The following HIPK2 variants were observed in gnomAD, a reference collection of about 807,000 sequenced individuals.
HIPK2 encodes homeodomain interacting protein kinase 2.
A neutral mutation model predicts 113.7 loss-of-function variants in HIPK2; 27 were observed. That is an observed-to-expected ratio of 0.24 (90% CI 0.17 to 0.33). The LOEUF is 0.33. Ranked by LOEUF, HIPK2 falls within the 10% of genes least tolerant of loss-of-function variation. The probability of loss-of-function intolerance (pLI) is 1.00; values close to 1 mark genes in which losing one functional copy is unlikely to be tolerated. For missense variants in HIPK2, 1,257 were observed against 1,588.0 expected, an observed-to-expected ratio of 0.79 and a Z score of 3.54; for synonymous variants, 631 against 642.2, an observed-to-expected ratio of 0.98 and a Z score of 0.26.
chr7:139,577,586 A>C (rs1272501625), intron 13 of HIPK2, among the ~76,000 whole-genome samples: 1 of 152,254 alleles, frequency 6.6e-6, no homozygotes, highest in African/African-American at 2.4e-5. Context: ...GAAGGCTACG[A>C]CAAAGCAGCC....
At chr7:139,753,231 C>T (rs1270590081) in intron 1 of HIPK2, among the ~76,000 whole-genome samples, 1 of 152,212 alleles carries the variant, frequency 6.6e-6, no homozygotes, top group East Asian at 1.9e-4. Flanking sequence ...AGGGCAGCTG[C>T]ATTACCAGGC....
chr7:139,631,706 C>A lies in HIPK2; in HGVS notation c.1123G>T (p.Gly375Cys). Reference sequence around the variant, plus strand: ...TCAATTGCCTCACAAAATGGTAAACCAAGGATGATCTCAGGGGCCCTGAAA... The same window carrying A: ...TCAATTGCCTCACAAAATGGTAAACAAAGGATGATCTCAGGGGCCCTGAAA... ...RYYRAPEIILGLPFCEAIDMW... is the reference protein window; with the variant it reads ...RYYRAPEIILCLPFCEAIDMW... The change falls in exon 3 of 15, where the codon GGT (glycine) becomes TGT (cysteine). Residue 375 changes from glycine (G) to cysteine (C), a missense_variant. Gly to Cys is a radical substitution (Grantham distance 159, BLOSUM62 -3). Coordinates refer to ENST00000406875, the MANE Select transcript of HIPK2 (RefSeq NM_022740.5). This position sits in a 1 kb window ranked among gnomAD's most constrained non-coding sequence, Gnocchi z 4.9. 1.2e-6 allele frequency: 2 copies of A among 1,613,694 alleles called. No individual in the cohort carries two copies. Among genetic ancestry groups the A allele is most frequent in the Non-Finnish European group, 1.7e-6 (2 of 1,179,756 alleles).
chr7:139,634,229 G>T (rs1310342684), intron 2 of HIPK2, among the ~76,000 whole-genome samples: 2 of 152,116 alleles, frequency 1.3e-5, no homozygotes, highest in African/African-American at 4.8e-5. Context: ...AGGAGTGACC[G>T]CTGGGGGCTG....
intron 1 of HIPK2, among the ~76,000 whole-genome samples, chr7:139,729,556 G>C (rs968499771): frequency 2.6e-5 from 4 of 152,146 alleles, no homozygotes; most frequent in African/African-American, 9.7e-5. Context: ...AGGAGCCCCG[G>C]CTTGGTTCTT....
At chr7:139,711,852 A>G (rs1048667868) in intron 2 of HIPK2, among the ~76,000 whole-genome samples, 1 of 152,388 alleles carries the variant, frequency 6.6e-6, no homozygotes, top group African/African-American at 2.4e-5. Context: ...AGCAAGGATT[A>G]CCTGCAACTC....
At chr7:139,632,993 G>A (rs1455717148) in intron 2 of HIPK2, among the ~76,000 whole-genome samples, 1 of 151,594 alleles carries the variant, frequency 6.6e-6, no homozygotes, top group Non-Finnish European at 1.5e-5. Flanking sequence ...CTACCTGGGA[G>A]GCTGAGGCGG....
At chr7:139,602,101 C>T (rs963833305) in intron 10 of HIPK2, among the ~76,000 whole-genome samples, 2 of 151,928 alleles carry the variant, frequency 1.3e-5, no homozygotes, top group African/African-American at 4.8e-5. Context: ...TACAGGCGTG[C>T]ACTGCCACGC....
intron 1 of HIPK2, among the ~76,000 whole-genome samples, chr7:139,740,385 G>A (rs1453808634): frequency 6.6e-6 from 1 of 152,244 alleles, no homozygotes; most frequent in Non-Finnish European, 1.5e-5. Flanking sequence ...CACAATGCAT[G>A]CTTGCTTGCC....
intron 2 of HIPK2, among the ~76,000 whole-genome samples, chr7:139,684,347 G>A (rs921262774): frequency 2.0e-5 from 3 of 152,158 alleles, no homozygotes; most frequent in Admixed American, 1.3e-4. Context: ...GTGTTCAAGC[G>A]AAAGAAAGAG....
At chr7:139,668,176 T>C (rs904560791) in intron 2 of HIPK2, among the ~76,000 whole-genome samples, 3 of 149,932 alleles carry the variant, frequency 2.0e-5, no homozygotes, top group Non-Finnish European at 3.0e-5. Flanking sequence ...GCATATGATA[T>C]GCAACTAAAA....
rs1798322686 is a variant in HIPK2, at chr7:139,572,715, C to A, written c.*212G>T. ...CTCTTCTCTGCTCTACGTCCTCCCA[C>A]TTCCCGGTTCAAGTTTCACTGGTGT... On this transcript the variant is annotated 3_prime_UTR_variant, in exon 15 of 15. Transcript: ENST00000406875. The A allele has an allele frequency of 2.0e-6, 1 of 500,536 alleles. No individual in the cohort carries two copies. Among genetic ancestry groups the A allele is most frequent in the Non-Finnish European group, 3.5e-6 (1 of 285,868 alleles). 31.0% of individuals were successfully genotyped at this position (500,536 alleles called of 1,614,324 possible).
In HIPK2 at chr7:139,777,830, TGCCGCC is replaced by T. The variant is rs1796816212; in HGVS notation, c.-213_-208del. ...GCGCCGCCGCCGCCGCCGCCGCCGC[TGCCGCC>T]CGGGCCCGGCGCGGGGGGCTCGGGG... On this transcript the variant is annotated 5_prime_UTR_variant, in exon 1 of 15. Coordinates refer to ENST00000406875, the MANE Select transcript of HIPK2 (RefSeq NM_022740.5). The T allele has an allele frequency of 5.4e-6, 1 of 186,410 alleles. No homozygotes were observed. Among genetic ancestry groups the T allele is most frequent in the African/African-American group, 2.7e-5 (1 of 36,938 alleles). 11.5% of individuals were successfully genotyped at this position (186,410 alleles called of 1,614,324 possible).
rs776564611 is a variant in HIPK2 at position 139,716,729 on chromosome 7, A to G, written c.306T>C (p.Ser102=). ...HIVVTSASST[S]VTGQVLGGPH... is the part of the protein sequence containing the mutation. ...GTCCGCCGAGGACTTGCCCGGTGACAGAAGTGCTGCTTGCTGAGGTGACCA... is the reference window on the plus strand; with the variant it reads ...GTCCGCCGAGGACTTGCCCGGTGACGGAAGTGCTGCTTGCTGAGGTGACCA... The change falls in exon 2 of 15, where the codon TCT becomes TCC. Residue 102 remains serine, a synonymous_variant. Coordinates refer to ENST00000406875, the MANE Select transcript of HIPK2 (RefSeq NM_022740.5). The surrounding 1 kb of genome is among the most constrained non-coding windows in gnomAD (Gnocchi z 9.3). 5 of 1,613,824 alleles carry G rather than the reference A, an allele frequency of 3.1e-6. No individual in the cohort carries two copies. Among genetic ancestry groups the G allele is most frequent in the Non-Finnish European group, 1.7e-6 (2 of 1,179,878 alleles).
chr7:139,594,498 A>C (rs865814172), intron 12 of HIPK2, among the ~76,000 whole-genome samples: 15 of 152,166 alleles, frequency 9.9e-5, no homozygotes, highest in Admixed American at 3.3e-4. Context: ...CAATAATGTG[A>C]TCACAGTTAC....
chr7:139,680,519 A>T (rs1802663399), intron 2 of HIPK2, among the ~76,000 whole-genome samples: 2 of 152,234 alleles, frequency 1.3e-5, no homozygotes, highest in Non-Finnish European at 2.9e-5. Flanking sequence ...AGGGCCAGGG[A>T]TGTTTTCAAA....
intron 2 of HIPK2, among the ~76,000 whole-genome samples, chr7:139,689,628 G>A (rs1190400080): frequency 6.6e-6 from 1 of 152,132 alleles, no homozygotes; most frequent in Non-Finnish European, 1.5e-5. Context: ...CTCACCTGAT[G>A]AGCCCAGCCT....
At chr7:139,767,211 C>T (rs1029700791) in intron 1 of HIPK2, among the ~76,000 whole-genome samples, 1 of 152,208 alleles carries the variant, frequency 6.6e-6, no homozygotes, top group Non-Finnish European at 1.5e-5. Context: ...TACCACAGAC[C>T]TACTGAATTA....
At chr7:139,618,800 G>T (rs1800143618) in intron 7 of HIPK2, among the ~76,000 whole-genome samples, 1 of 152,228 alleles carries the variant, frequency 6.6e-6, no homozygotes, top group Non-Finnish European at 1.5e-5. Context: ...TTTCACAGAT[G>T]CCTTTGATAC....
At chr7:139,728,475 T>C (rs1391109071) in intron 1 of HIPK2, among the ~76,000 whole-genome samples, 1 of 152,210 alleles carries the variant, frequency 6.6e-6, no homozygotes, top group South Asian at 2.1e-4. Context: ...CACTGATGAC[T>C]GTCTTCTCTG....
Sources: gnomAD v4.1 joint callset for allele counts (sites outside exome capture counted in the v4.1 genomes callset) on GRCh38, gnomAD v4.1.1 for gene constraint, Gnocchi (gnomAD v3.1) non-coding constraint, MANE v1.5 for transcripts, NCBI Gene and HGNC (gene_info 2026-07-23, HGNC 2026-07-21) for gene names.